PKHD1L1: variants seen among roughly 807,000 people sequenced by gnomAD.
The protein encoded by PKHD1L1 is PKHD1 like 1.
In PKHD1L1, 434 loss-of-function variants were observed where a neutral mutation model predicts 462.9. The observed-to-expected ratio is 0.94, with a 90% CI of 0.87 to 1.02. The LOEUF is 1.02. PKHD1L1 is among the 50% of genes least tolerant of loss of function. The pLI is 0.00. For missense variants in PKHD1L1, 5,202 were observed against 5,096.1 expected (o/e 1.02, Z -0.63); for synonymous variants, 1,781 against 1,750.0 (o/e 1.02, Z -0.44).
At chr8:109,380,068 G>A (rs561969717) in intron 2 of PKHD1L1, among the ~76,000 whole-genome samples, 137 of 152,280 alleles carry the variant, frequency 9.0e-4, no homozygotes, top group Non-Finnish European at 1.6e-3. Flanking sequence ...AGTGCTGGCT[G>A]CAGGTAAGGG....
chr8:109,505,630 G>A (rs749817493), intron 68 of PKHD1L1, among the ~76,000 whole-genome samples: 6 of 152,156 alleles, frequency 3.9e-5, no homozygotes, highest in Admixed American at 2.6e-4. Flanking sequence ...CAGTCATTGT[G>A]GCTAGTGCCT....
chr8:109,437,356 A>G (rs1471717240), intron 30 of PKHD1L1, among the ~76,000 whole-genome samples: 1 of 152,126 alleles, frequency 6.6e-6, no homozygotes, highest in African/African-American at 2.4e-5. Flanking sequence ...TTTTTTTATT[A>G]TTATGCTTTA....
intron 17 of PKHD1L1, among the ~76,000 whole-genome samples, chr8:109,406,785 G>A (rs1282351697): frequency 2.0e-5 from 3 of 151,974 alleles, no homozygotes; most frequent in Non-Finnish European, 4.4e-5. Context: ...CTATTGTCCA[G>A]GAGACACTCA....
At chr8:109,496,615 A>G (rs903711223) in intron 63 of PKHD1L1, among the ~76,000 whole-genome samples, 2 of 152,220 alleles carry the variant, frequency 1.3e-5, no homozygotes, top group Admixed American at 1.3e-4. Context: ...AGAATAAACC[A>G]GGCGAGGTGG....
chr8:109,445,670 C>T (rs1368054001), intron 38 of PKHD1L1, 25 bp downstream of exon 38: 3 of 1,542,330 alleles, frequency 1.9e-6, no homozygotes, highest in Non-Finnish European at 2.7e-6. Context: ...GCCTTATTAT[C>T]TTGATATTAT....
intron 29 of PKHD1L1, 90 bp downstream of exon 29, chr8:109,435,444 T>A: frequency 7.5e-7 from 1 of 1,326,558 alleles, no homozygotes; most frequent in South Asian, 1.6e-5. Flanking sequence ...AGGGAGAGGA[T>A]CCCAAAGCTT....
At chr8:109,411,575 A>C (rs1449328280) in intron 19 of PKHD1L1, among the ~76,000 whole-genome samples, 3 of 152,126 alleles carry the variant, frequency 2.0e-5, no homozygotes, top group East Asian at 1.9e-4. Context: ...TTCATTTCTC[A>C]TCACCACCCT....
At chr8:109,510,971 T>C in intron 71 of PKHD1L1, 37 bp downstream of exon 71, 3 of 1,595,768 alleles carry the variant, frequency 1.9e-6, no homozygotes, top group Non-Finnish European at 2.6e-6. Flanking sequence ...TGCTGTTGAT[T>C]ATTTGCATGT....
intron 23 of PKHD1L1, 36 bp downstream of exon 23, chr8:109,420,726 G>A (rs781633171): frequency 1.7e-5 from 24 of 1,428,240 alleles, no homozygotes; most frequent in Non-Finnish European, 1.3e-5. Flanking sequence ...TTTATGTAGT[G>A]AATTTTATTT....
intron 14 of PKHD1L1, among the ~76,000 whole-genome samples, chr8:109,403,079 A>G (rs1813356157): frequency 6.6e-6 from 1 of 152,158 alleles, no homozygotes; most frequent in Admixed American, 6.6e-5. Flanking sequence ...AGTTCAGTCT[A>G]CCAGCTAGGC....
intron 33 of PKHD1L1, 39 bp from the exon 34 acceptor site, chr8:109,441,236 G>A (rs1435517491): frequency 2.2e-6 from 3 of 1,348,304 alleles, no homozygotes; most frequent in Admixed American, 2.9e-5. Flanking sequence ...TTGACAAAAT[G>A]TTTGCTTTTT....
In PKHD1L1 at chr8:109,394,433, G is replaced by T; in HGVS notation, c.759G>T (p.Met253Ile). ...NDYGRSFPQK[M>I]AYFVSSLNKI... is the part of the protein sequence containing the mutation. ...TTAACAGGAGTTTTCCACAGAAAAT[G>T]GCATATTTTGTTTCTTCTCTCAATA... The change falls in exon 10 of 78, where the codon ATG becomes ATT. Residue 253 changes from methionine to isoleucine, a missense_variant. Physicochemically the swap from Met to Ile is conservative, Grantham distance 10. Transcript: ENST00000378402. The T allele has an allele frequency of 1.3e-6, 2 of 1,515,982 alleles. No homozygotes were observed. Among genetic ancestry groups the T allele is most frequent in the Non-Finnish European group, 1.8e-6 (2 of 1,125,676 alleles). The allele number at this position is 1,515,982 out of a possible 1,614,324, so 93.9% of individuals were successfully genotyped here. A position where few individuals can be genotyped will look rare whatever the true frequency, so the allele number is the denominator to read the frequency against.
chr8:109,482,285 A>G (rs908648509), intron 56 of PKHD1L1, among the ~76,000 whole-genome samples: 2 of 151,884 alleles, frequency 1.3e-5, no homozygotes, highest in Admixed American at 1.3e-4. Flanking sequence ...TTAGCTCACC[A>G]TTCACAAATG....
chr8:109,451,866 A>G (rs1816537496), intron 41 of PKHD1L1, among the ~76,000 whole-genome samples: 1 of 152,168 alleles, frequency 6.6e-6, no homozygotes, highest in Admixed American at 6.5e-5. Context: ...AACAACAACA[A>G]TCACTGTTTC....
chr8:109,480,127 C>T lies in PKHD1L1; in HGVS notation c.9315C>T (p.Tyr3105=). The change falls in exon 55 of 78, where the codon TAC becomes TAT. Residue 3105 remains tyrosine (Y), a synonymous_variant. Coordinates refer to ENST00000378402, the MANE Select transcript of PKHD1L1 (RefSeq NM_177531.6). ...SYREVVLNAT[Y]ISLQGGRLIG... is the part of the protein sequence containing the mutation. ...GAGAAGTTGTTTTGAATGCTACCTA[C>T]ATATCACTGCAGGTAAGAGTGAGGG... 1 of 1,567,234 alleles carries T rather than the reference C, an allele frequency of 6.4e-7. No individual in the cohort carries two copies. The highest frequency in any genetic ancestry group is 1.2e-5 in the South Asian group (1 of 84,226).
At chr8:109,371,973 A>T (rs1409543189) in intron 2 of PKHD1L1, among the ~76,000 whole-genome samples, 1 of 152,012 alleles carries the variant, frequency 6.6e-6, no homozygotes, top group Non-Finnish European at 1.5e-5. Flanking sequence ...CTTAGGATTG[A>T]CTTGGCGATG....
At chr8:109,402,004 G>A (rs1007773063) in intron 14 of PKHD1L1, among the ~76,000 whole-genome samples, 2 of 152,044 alleles carry the variant, frequency 1.3e-5, no homozygotes, top group East Asian at 1.9e-4. Flanking sequence ...TTTATTCCAG[G>A]CCCTGGGCCA....
At chr8:109,420,920 T>G (rs2130646133) in intron 23 of PKHD1L1, among the ~76,000 whole-genome samples, 1 of 152,186 alleles carries the variant, frequency 6.6e-6, no homozygotes, top group East Asian at 1.9e-4. Context: ...CAAAGTCATA[T>G]TTAAGTAGAG....
At position 109,470,732 on chromosome 8, in the gene PKHD1L1, C is replaced by T. The variant is rs543257926; in HGVS notation, c.8605+3963C>T. On this transcript the variant is annotated intron_variant, in intron 50 of 77. Coordinates refer to ENST00000378402, the MANE Select transcript of PKHD1L1 (RefSeq NM_177531.6). Reference sequence around the variant, plus strand: ...CAATTAGAAGCCTTGTACCAATCTTCTTGGGACAGCCAGTTTCTGAGTGGT... The same window carrying T: ...CAATTAGAAGCCTTGTACCAATCTTTTTGGGACAGCCAGTTTCTGAGTGGT... The T allele has an allele frequency of 7.0e-5, 109 of 1,562,672 alleles. No homozygotes were observed. In the African/African-American group the frequency reaches 1.2e-3, roughly 18 times the overall value.
Sources: gnomAD v4.1 joint callset for allele counts (sites outside exome capture counted in the v4.1 genomes callset) on GRCh38, gnomAD v4.1.1 for gene constraint, MANE v1.5 for transcripts, NCBI Gene and HGNC (gene_info 2026-07-23, HGNC 2026-07-21) for gene names.